NCOA2: variants seen among roughly 807,000 people sequenced by gnomAD.
NCOA2 encodes the protein class E basic helix-loop-helix protein 75.
In NCOA2, 21 loss-of-function variants were observed where a neutral mutation model predicts 145.1. That is an observed-to-expected ratio of 0.14 (90% confidence interval 0.10 to 0.21). NCOA2 has a LOEUF of 0.21. Ranked by LOEUF, NCOA2 falls within the 10% of genes least tolerant of loss-of-function variation. NCOA2 has a pLI of 1.00. For missense variants in NCOA2, 1,472 were observed against 1,837.6 expected (o/e 0.80, Z 3.64); for synonymous variants, 619 against 637.5 (o/e 0.97, Z 0.44).
chr8:70,421,731 C>T, the NCOA2 span, among the ~76,000 whole-genome samples: 1 of 151,270 alleles, frequency 6.6e-6, no homozygotes, highest in South Asian at 2.1e-4. Flanking sequence ...TATTTAGATG[C>T]ATACGTGTGG....
At chr8:70,337,163 T>C (rs35006067) in intron 1 of NCOA2, among the ~76,000 whole-genome samples, 15,995 of 151,826 alleles carry the variant, frequency 0.11, 1,284 homozygotes, top group East Asian at 0.41. Context: ...CTCTAAGTGT[T>C]TGTACACACA....
In NCOA2 at chr8:70,192,020, C is replaced by T. The variant is rs186545950; in HGVS notation, c.260-17161G>A. On this transcript the variant is annotated intron_variant, in intron 4 of 22. Transcript: ENST00000452400. ...TCGTGCCACTGCACTCCAGCCTGGG[C>T]GAGAGAGTGAGAATCCGTCTCAAAA... 2.0e-4 allele frequency among the ~76,000 whole-genome samples: 30 copies of T among 151,832 alleles called. No individual in the cohort carries two copies. The South Asian group carries it at 2.1e-3, about 11-fold the overall frequency.
intron 12 of NCOA2, among the ~76,000 whole-genome samples, chr8:70,145,381 G>C (rs964444286): frequency 6.6e-6 from 1 of 151,218 alleles, no homozygotes; most frequent in African/African-American, 2.4e-5. Flanking sequence ...CTGGAGTGTA[G>C]TGGCCCGATC....
At chr8:70,451,173 G>A in the NCOA2 span, among the ~76,000 whole-genome samples, 20 of 136,316 alleles carry the variant, frequency 1.5e-4, no homozygotes, top group Non-Finnish European at 2.6e-4. Context: ...AGCTGAGATC[G>A]CGCCACTGTG....
At chr8:70,351,736 C>A in intron 1 of NCOA2, among the ~76,000 whole-genome samples, 1 of 150,432 alleles carries the variant, frequency 6.6e-6, no homozygotes, top group African/African-American at 2.4e-5. Flanking sequence ...TAGGCACACA[C>A]CACCACCCCG....
rs757555692 is a variant in NCOA2, at chr8:70,216,710, G to A, written c.36C>T (p.Ser12=). Reference sequence around the variant, plus strand: ...CCTTGCGCTTTCTTGTCTCTGCCCTGGAGGGGTCAGAGGTATTTTCTCCCA... The same window carrying A: ...CCTTGCGCTTTCTTGTCTCTGCCCTAGAGGGGTCAGAGGTATTTTCTCCCA... ...SGMGENTSDP[S]RAETRKRKEC... is the part of the protein sequence containing the mutation. The change falls in exon 3 of 23, where the codon TCC becomes TCT. Residue 12 remains serine (S), a synonymous_variant. Coordinates refer to ENST00000452400, the MANE Select transcript of NCOA2 (RefSeq NM_006540.4). 6 of 1,613,554 alleles carry A rather than the reference G, an allele frequency of 3.7e-6. No homozygotes were observed. The African/African-American group carries it at 8.0e-5, about 22-fold the overall frequency.
intron 2 of NCOA2, among the ~76,000 whole-genome samples, chr8:70,240,641 TG>T (rs778712242): frequency 6.6e-6 from 1 of 152,206 alleles, no homozygotes; most frequent in Non-Finnish European, 1.5e-5. Flanking sequence ...AGACAAGCTT[TG>T]TTAAGGCAGG....
At chr8:70,158,408 ATTTC>A (rs1209154926) in intron 10 of NCOA2, among the ~76,000 whole-genome samples, 9 of 152,220 alleles carry the variant, frequency 5.9e-5, no homozygotes, top group East Asian at 1.9e-4. Context: ...TCAATATTCA[ATTTC>A]TTTATCTTCA....
intron 2 of NCOA2, among the ~76,000 whole-genome samples, chr8:70,232,924 T>C (rs988300029): frequency 2.0e-5 from 3 of 149,000 alleles, no homozygotes; most frequent in Non-Finnish European, 3.0e-5. Context: ...TATATTTCAT[T>C]CTAGAAAGAT....
At chr8:70,444,537 A>G in the NCOA2 span, among the ~76,000 whole-genome samples, 1 of 152,210 alleles carries the variant, frequency 6.6e-6, no homozygotes, top group Non-Finnish European at 1.5e-5. Flanking sequence ...AAAACAGAAT[A>G]AGATTGCTGG....
chr8:70,359,230 T>C (rs558707961), intron 1 of NCOA2, among the ~76,000 whole-genome samples: 14 of 152,158 alleles, frequency 9.2e-5, no homozygotes, highest in Non-Finnish European at 2.1e-4. Context: ...CACTCCTGGG[T>C]ATATACCTGA....
chr8:70,149,188 A>G lies in NCOA2; in HGVS notation c.2395-705T>C, dbSNP rs556774719. Among the ~76,000 whole-genome samples the G allele has an allele frequency of 5.3e-5, 8 of 152,202 alleles. 1 individual carries two copies. The highest frequency in any genetic ancestry group is 2.1e-4 in the South Asian group (1 of 4,822). ...CAGGATAAAAACTGGTTGCCCCCCA[A>G]ACATAGCACTATTAACCTAATTATA... On this transcript the variant is annotated intron_variant, in intron 11 of 22. Coordinates refer to ENST00000452400, the MANE Select transcript of NCOA2 (RefSeq NM_006540.4).
chr8:70,117,735 G>A (rs948594258), intron 22 of NCOA2, among the ~76,000 whole-genome samples: 1 of 152,216 alleles, frequency 6.6e-6, no homozygotes, highest in Admixed American at 6.5e-5. Context: ...TCCCAGTGTT[G>A]TAAGACCTTG....
chr8:70,130,219 AC>A (rs1808935956), intron 16 of NCOA2, among the ~76,000 whole-genome samples: 1 of 152,236 alleles, frequency 6.6e-6, no homozygotes, highest in African/African-American at 2.4e-5. Context: ...TAACATGAAT[AC>A]GAATAATTTG....
At chr8:70,246,593 A>T (rs1822644395) in intron 2 of NCOA2, among the ~76,000 whole-genome samples, 1 of 152,152 alleles carries the variant, frequency 6.6e-6, no homozygotes, top group Non-Finnish European at 1.5e-5. Flanking sequence ...AAAATTTATC[A>T]TCTTAACCAT....
At chr8:70,313,262 T>C (rs1486202750) in intron 1 of NCOA2, among the ~76,000 whole-genome samples, 1 of 152,196 alleles carries the variant, frequency 6.6e-6, no homozygotes, top group East Asian at 1.9e-4. Context: ...GATATATCTA[T>C]TTATTCCCAA....
intron 2 of NCOA2, among the ~76,000 whole-genome samples, chr8:70,230,309 A>C (rs1034529997): frequency 6.6e-6 from 1 of 152,224 alleles, no homozygotes; most frequent in African/African-American, 2.4e-5. Flanking sequence ...GGTGGCTGCC[A>C]AGGGCTGGAG....
intron 14 of NCOA2, among the ~76,000 whole-genome samples, chr8:70,140,896 CTATT>C (rs1810333956): frequency 6.6e-6 from 1 of 151,940 alleles, no homozygotes; most frequent in African/African-American, 2.4e-5. Flanking sequence ...CGTGCCTGGC[CTATT>C]TCTTTATTAA....
chr8:70,433,341 A>C, the NCOA2 span, among the ~76,000 whole-genome samples: 3 of 148,396 alleles, frequency 2.0e-5, no homozygotes, highest in Non-Finnish European at 4.5e-5. Flanking sequence ...AGAGAAGTAC[A>C]CTAAAAAAAA....
Sources: gnomAD v4.1 joint callset for allele counts (sites outside exome capture counted in the v4.1 genomes callset) on GRCh38, gnomAD v4.1.1 for gene constraint, MANE v1.5 for transcripts, NCBI Gene and HGNC (gene_info 2026-07-23, HGNC 2026-07-21) for gene names.